Variants in CSMD3 observed in about 807,000 individuals in gnomAD.
The protein encoded by CSMD3 is CUB and sushi domain-containing protein 3.
CSMD3 carries 177 observed loss-of-function variants against 435.2 expected under a neutral mutation model. The observed-to-expected ratio is 0.41, with a 90% CI of 0.36 to 0.46. The LOEUF is 0.46. CSMD3 is among the 20% of genes least tolerant of loss of function. The pLI is 0.34. For synonymous variants in CSMD3, 1,656 were observed against 1,520.5 expected, an observed-to-expected ratio of 1.09 and a Z score of -2.07; for missense variants, 4,265 against 4,504.6, an observed-to-expected ratio of 0.95 and a Z score of 1.52.
chr8:113,265,255 T>A (rs1175316756), intron 3 of CSMD3, among the ~76,000 whole-genome samples: 1 of 151,448 alleles, frequency 6.6e-6, no homozygotes, highest in Non-Finnish European at 1.5e-5. Flanking sequence ...AAGATAAGTA[T>A]GTGAGCCAAT....
chr8:113,234,474 A>G (rs571416705), intron 3 of CSMD3, among the ~76,000 whole-genome samples: 15 of 152,272 alleles, frequency 9.9e-5, no homozygotes, highest in South Asian at 2.1e-4. Context: ...GCCAGTCTCT[A>G]TAAGTTTCTG....
chr8:113,255,318 C>T (rs1415186819), intron 3 of CSMD3, among the ~76,000 whole-genome samples: 1 of 151,930 alleles, frequency 6.6e-6, no homozygotes, highest in African/African-American at 2.4e-5. Flanking sequence ...CGATTCTTTC[C>T]TTGTTTTTAA....
At chr8:113,358,404 G>A (rs2094247821) in intron 1 of CSMD3, among the ~76,000 whole-genome samples, 2 of 152,258 alleles carry the variant, frequency 1.3e-5, no homozygotes, top group Admixed American at 6.5e-5. Flanking sequence ...TCAGGCTGGA[G>A]TGCAGTGGCA....
intron 36 of CSMD3, among the ~76,000 whole-genome samples, chr8:112,386,583 T>C (rs893562881): frequency 1.1e-4 from 16 of 152,064 alleles, no homozygotes; most frequent in Non-Finnish European, 1.6e-4. Flanking sequence ...CTGCAACCTC[T>C]GCCTCCCGGG....
chr8:112,406,788 T>C, intron 34 of CSMD3, 61 bp from the exon 35 acceptor site: 2 of 1,077,656 alleles, frequency 1.9e-6, no homozygotes, highest in Non-Finnish European at 1.3e-6. Flanking sequence ...GATTTCAAAA[T>C]GTAACTGTTT....
At chr8:113,327,701 T>A (rs1036378003) in intron 1 of CSMD3, among the ~76,000 whole-genome samples, 3 of 152,090 alleles carry the variant, frequency 2.0e-5, no homozygotes, top group Admixed American at 2.0e-4. Flanking sequence ...AATTTGCACA[T>A]GTTGCTGTTA....
At chr8:113,123,113 T>C (rs2091032065) in intron 4 of CSMD3, among the ~76,000 whole-genome samples, 1 of 152,086 alleles carries the variant, frequency 6.6e-6, no homozygotes, top group Non-Finnish European at 1.5e-5. Flanking sequence ...TATTGTATGA[T>C]TGAAAATATA....
chr8:113,353,592 T>G (rs1588579298), intron 1 of CSMD3, among the ~76,000 whole-genome samples: 2 of 152,202 alleles, frequency 1.3e-5, no homozygotes, highest in Non-Finnish European at 2.9e-5. Flanking sequence ...TATTATTCTA[T>G]TCAAAGTGAA....
At chr8:112,915,074 G>T (rs1365088659) in intron 10 of CSMD3, among the ~76,000 whole-genome samples, 1 of 151,812 alleles carries the variant, frequency 6.6e-6, no homozygotes, top group Non-Finnish European at 1.5e-5. Context: ...AATTTTAAGA[G>T]ATTTCATAAG....
chr8:112,663,781 CT>C (rs1390756321), intron 17 of CSMD3, among the ~76,000 whole-genome samples: 13 of 152,084 alleles, frequency 8.5e-5, no homozygotes, highest in Non-Finnish European at 1.3e-4. Context: ...CAATAATCCT[CT>C]TTCATTGTCA....
intron 1 of CSMD3, among the ~76,000 whole-genome samples, chr8:113,375,780 G>A (rs1471009524): frequency 6.6e-6 from 1 of 151,804 alleles, no homozygotes; most frequent in Non-Finnish European, 1.5e-5. Context: ...AGAAATGACC[G>A]ACATAAAAAT....
chr8:112,551,537 CTTTAAA>C (rs1237605743), intron 26 of CSMD3, among the ~76,000 whole-genome samples: 1 of 151,988 alleles, frequency 6.6e-6, no homozygotes, highest in African/African-American at 2.4e-5. Context: ...ATCGTTACAG[CTTTAAA>C]TTTAAGTTGC....
intron 6 of CSMD3, among the ~76,000 whole-genome samples, chr8:113,018,245 C>G (rs1196575797): frequency 2.6e-5 from 4 of 151,582 alleles, no homozygotes; most frequent in African/African-American, 9.7e-5. Context: ...TTTTGTATTC[C>G]AAAGAACAAT....
intron 17 of CSMD3, among the ~76,000 whole-genome samples, chr8:112,661,916 A>G (rs1464833936): frequency 6.6e-6 from 1 of 152,136 alleles, no homozygotes; most frequent in African/African-American, 2.4e-5. Flanking sequence ...ATCACTCTGC[A>G]TAATAAAGTA....
intron 3 of CSMD3, among the ~76,000 whole-genome samples, chr8:113,179,777 G>A (rs891038274): frequency 6.6e-6 from 1 of 151,462 alleles, no homozygotes; most frequent in Non-Finnish European, 1.5e-5. Flanking sequence ...TTTTGTTATG[G>A]TTTCCTTGGA....
At chr8:112,501,510 A>G (rs1029234101) in intron 30 of CSMD3, among the ~76,000 whole-genome samples, 5 of 152,214 alleles carry the variant, frequency 3.3e-5, no homozygotes, top group Non-Finnish European at 7.3e-5. Context: ...ATTTAATACA[A>G]TTAGCAACTT....
At chr8:113,093,251 G>A (rs1238227450) in intron 5 of CSMD3, among the ~76,000 whole-genome samples, 1 of 151,974 alleles carries the variant, frequency 6.6e-6, no homozygotes, top group Non-Finnish European at 1.5e-5. Context: ...AGGAAATTAT[G>A]CATTCCAAAG....
intron 22 of CSMD3, among the ~76,000 whole-genome samples, chr8:112,593,154 G>A (rs901300921): frequency 1.3e-5 from 2 of 152,088 alleles, no homozygotes; most frequent in African/African-American, 4.8e-5. Flanking sequence ...TGATTCATAC[G>A]CCATTCTAAG....
At chr8:112,306,405 C>A (rs1239967595) in intron 50 of CSMD3, among the ~76,000 whole-genome samples, 2 of 152,044 alleles carry the variant, frequency 1.3e-5, no homozygotes, top group Non-Finnish European at 2.9e-5. Context: ...ATTGATGAAT[C>A]TATACATTGT....
Sources: allele counts gnomAD v4.1 joint callset (sites outside exome capture counted in the v4.1 genomes callset), GRCh38; gene constraint gnomAD v4.1.1; transcripts MANE v1.5; gene names NCBI Gene and HGNC (gene_info 2026-07-23, HGNC 2026-07-21).